The following MDM1 variants were observed in gnomAD, a reference collection of about 807,000 sequenced individuals.
The protein encoded by MDM1 is Mdm1 nuclear protein.
In MDM1, 61 loss-of-function variants were observed where a neutral mutation model predicts 89.1. The observed-to-expected ratio is 0.68, with a 90% CI of 0.56 to 0.85. MDM1 has a LOEUF of 0.85. Among genes scored for constraint, MDM1 ranks in the 40% least tolerant of loss-of-function variants. The probability of loss-of-function intolerance (pLI) is 0.00; values close to 1 mark genes in which losing one functional copy is unlikely to be tolerated. For missense variants in MDM1, 820 were observed against 846.5 expected, an observed-to-expected ratio of 0.97 and a Z score of 0.39; for synonymous variants, 290 against 294.1, an observed-to-expected ratio of 0.99 and a Z score of 0.14.
In MDM1 at chr12:68,325,465, A is replaced by G. The variant is rs1175740437; in HGVS notation, c.609T>C (p.Thr203=). 4.4e-6 allele frequency: 7 copies of G among 1,585,364 alleles called. No individual in the cohort carries two copies. The Admixed American group carries it at 1.1e-4, about 25-fold the overall frequency. Residue 203 remains threonine (T), a synonymous_variant, in exon 4 of 15, where the codon ACT becomes ACC. Coordinates refer to ENST00000682720, the MANE Select transcript of MDM1 (RefSeq NM_001354969.2). ...CCTGATTGGCTGCAAAAGCTGGAGC[A>G]GTTTCTTTAGAAGTCTTCCAAACAA... ...RQFVWKTSKE[T]APAFAANQVF... is the part of the protein sequence containing the mutation.
chr12:68,305,073 G>A (rs1419190919), intron 12 of MDM1, among the ~76,000 whole-genome samples: 1 of 152,088 alleles, frequency 6.6e-6, no homozygotes, highest in Non-Finnish European at 1.5e-5. Context: ...GTATCAGGAT[G>A]ATACTGGTTT....
intron 1 of MDM1, 21 bp from the exon 2 acceptor site, chr12:68,331,242 T>C (rs1418477387): frequency 2.4e-6 from 3 of 1,245,300 alleles, no homozygotes; most frequent in African/African-American, 3.0e-5. Context: ...AAGTACACTT[T>C]TGAGTACAGT....
intron 7 of MDM1, among the ~76,000 whole-genome samples, chr12:68,318,472 T>C (rs907671942): frequency 6.6e-6 from 1 of 152,226 alleles, no homozygotes; most frequent in African/African-American, 2.4e-5. Context: ...GTTACTGACA[T>C]TTAAAACTAA....
At chr12:68,329,403 T>G (rs1349524679) in intron 2 of MDM1, among the ~76,000 whole-genome samples, 2 of 152,216 alleles carry the variant, frequency 1.3e-5, no homozygotes, top group Non-Finnish European at 2.9e-5. Context: ...CATAAGTCTT[T>G]TCCTGGCTTC....
intron 5 of MDM1, 35 bp from the exon 6 acceptor site, chr12:68,321,663 AG>A: frequency 5.1e-6 from 7 of 1,380,938 alleles, no homozygotes; most frequent in East Asian, 2.3e-5. Context: ...TTTATGCTTA[AG>A]ATGTTACACA....
intron 7 of MDM1, among the ~76,000 whole-genome samples, chr12:68,319,027 T>C (rs957245462): frequency 6.6e-6 from 1 of 152,188 alleles, no homozygotes; most frequent in African/African-American, 2.4e-5. Context: ...AACACAGTCC[T>C]ATTTGTGGAA....
chr12:68,326,453 A>G, intron 3 of MDM1: 2 of 1,473,270 alleles, frequency 1.4e-6, no homozygotes, highest in Non-Finnish European at 1.8e-6. Flanking sequence ...TCATAGTACA[A>G]CTACTACAAA....
At chr12:68,331,683 T>C (rs1876838697) in intron 1 of MDM1, among the ~76,000 whole-genome samples, 1 of 152,202 alleles carries the variant, frequency 6.6e-6, no homozygotes, top group Non-Finnish European at 1.5e-5. Flanking sequence ...AGTCAGGAGA[T>C]GTGGGACGCT....
rs550912800 is a variant in MDM1, at chr12:68,331,400, G to A, written c.19-179C>T. Among the ~76,000 whole-genome samples the A allele has an allele frequency of 1.1e-3, 173 of 152,256 alleles. 2 individuals are homozygous for A. Among genetic ancestry groups the A allele is most frequent in the African/African-American group, 2.8e-3 (116 of 41,550 alleles). ...CAGCCCTGTGCTAAGCAGTTCACAC[G>A]TGTTATATCCTTTAATCCACAACAC... On this transcript the variant is annotated intron_variant, in intron 1 of 14. Transcript: ENST00000682720.
At chr12:68,323,025 C>G (rs1300250581) in intron 5 of MDM1, 48 bp downstream of exon 5, 4 of 1,552,430 alleles carry the variant, frequency 2.6e-6, no homozygotes, top group Non-Finnish European at 3.5e-6. Flanking sequence ...CGTGGAGAAT[C>G]TAAAATAACG....
chr12:68,327,843 G>A (rs562418509), intron 2 of MDM1, among the ~76,000 whole-genome samples: 1 of 152,284 alleles, frequency 6.6e-6, no homozygotes, highest in South Asian at 2.1e-4. Flanking sequence ...CTAGACCACA[G>A]GTCTTCTCAC....
chr12:68,325,913 T>G, intron 3 of MDM1: 4 of 1,002,854 alleles, frequency 4.0e-6, no homozygotes, highest in Non-Finnish European at 3.6e-6. Context: ...ACCTGCACAC[T>G]GCTTCTATGA....
chr12:68,320,240 T>C (rs1175777743), intron 7 of MDM1, among the ~76,000 whole-genome samples: 1 of 152,152 alleles, frequency 6.6e-6, no homozygotes, highest in African/African-American at 2.4e-5. Flanking sequence ...CTGCCTTTCT[T>C]CCATCACGGG....
intron 13 of MDM1, among the ~76,000 whole-genome samples, chr12:68,299,571 A>G (rs1441931355): frequency 3.9e-5 from 6 of 152,192 alleles, no homozygotes; most frequent in Non-Finnish European, 5.9e-5. Flanking sequence ...GGGAGGAAAA[A>G]GCAGAAAAAA....
At chr12:68,314,625 G>GT (rs1265906304) in intron 10 of MDM1, among the ~76,000 whole-genome samples, 1 of 152,080 alleles carries the variant, frequency 6.6e-6, no homozygotes, top group Non-Finnish European at 1.5e-5. Flanking sequence ...AAGAACACCA[G>GT]TTTTTTTCTT....
chr12:68,299,825 A>T (rs1326899020), intron 13 of MDM1, among the ~76,000 whole-genome samples: 1 of 152,210 alleles, frequency 6.6e-6, no homozygotes, highest in Admixed American at 6.5e-5. Context: ...AAATACAAGA[A>T]GCTCAATGAA....
intron 13 of MDM1, among the ~76,000 whole-genome samples, chr12:68,300,819 A>G (rs1263666227): frequency 6.6e-6 from 1 of 152,256 alleles, no homozygotes; most frequent in African/African-American, 2.4e-5. Flanking sequence ...TGGACTTAAC[A>G]GATATTTACA....
intron 10 of MDM1, 80 bp from the exon 11 acceptor site, chr12:68,313,833 C>A: frequency 1.6e-6 from 2 of 1,261,144 alleles, no homozygotes; most frequent in Non-Finnish European, 2.3e-6. Context: ...CATCATTGTG[C>A]AATAATAAAG....
At chr12:68,308,691 TTATCA>T (rs1873260696) in intron 12 of MDM1, among the ~76,000 whole-genome samples, 1 of 152,202 alleles carries the variant, frequency 6.6e-6, no homozygotes, top group East Asian at 1.9e-4. Context: ...TTTGACCTGA[TTATCA>T]ATAAATCCTC....
Sources: allele counts gnomAD v4.1 joint callset (sites outside exome capture counted in the v4.1 genomes callset), GRCh38; gene constraint gnomAD v4.1.1; transcripts MANE v1.5; gene names NCBI Gene and HGNC (gene_info 2026-07-23, HGNC 2026-07-21).